TBC1D22A: variants seen among roughly 807,000 people sequenced by gnomAD.
TBC1D22A encodes the protein TBC1 domain family member 22A, also known as putative GTPase activator.
A neutral mutation model predicts 60.2 loss-of-function variants in TBC1D22A; 38 were observed. That is an observed-to-expected ratio of 0.63 (90% CI 0.49 to 0.83). The LOEUF (loss-of-function observed/expected upper bound fraction) is 0.83. TBC1D22A is among the 40% of genes least tolerant of loss of function. TBC1D22A has a pLI of 0.00. For synonymous variants in TBC1D22A, 302 were observed against 281.7 expected (o/e 1.07, Z -0.72); for missense variants, 628 against 701.0 (o/e 0.90, Z 1.18).
Position 46,852,312 on chromosome 22 carries a change from C to T in TBC1D22A, c.638-26341C>T, listed in dbSNP as rs1215968172. On this transcript the variant is annotated intron_variant, in intron 4 of 12. Transcript: ENST00000337137. The stretch of plus-strand genomic sequence containing the variant: ...CTTCCCGGCCCGCAGAGAACTTTAG[C>T]ACCTCCCCTCTTCCAGAACCCCAGG... Among the ~76,000 whole-genome samples, 36 of 152,356 alleles carry T rather than the reference C, an allele frequency of 2.4e-4. 2 individuals are homozygous for T. Among genetic ancestry groups the T allele is most frequent in the Admixed American group, 2.4e-3 (36 of 15,306 alleles).
intron 6 of TBC1D22A, among the ~76,000 whole-genome samples, chr22:46,892,446 C>G (rs2068454125): frequency 6.6e-6 from 1 of 152,326 alleles, no homozygotes; most frequent in African/African-American, 2.4e-5. Flanking sequence ...GAGGCTGGGG[C>G]AAAGCAGCCA....
intron 11 of TBC1D22A, among the ~76,000 whole-genome samples, chr22:47,067,955 C>T (rs561347573): frequency 1.4e-3 from 206 of 152,358 alleles, no homozygotes; most frequent in Non-Finnish European, 2.3e-3. Context: ...TCTAGTTCTG[C>T]ATGCTGGACA....
In TBC1D22A at chr22:47,056,524, C is replaced by T. The variant is rs1023041083; in HGVS notation, c.1329+19326C>T. ...CGTTTGTCTTGTGCCCCGTGCCATC[C>T]GTCACCAACTCCTCCCTCAGATCTC... On this transcript the variant is annotated intron_variant, in intron 11 of 12. Coordinates refer to ENST00000337137, the MANE Select transcript of TBC1D22A (RefSeq NM_014346.5). Among the ~76,000 whole-genome samples, 9 of 152,108 alleles carry T rather than the reference C, an allele frequency of 5.9e-5. No homozygotes were observed. In the East Asian group the frequency reaches 9.7e-4, roughly 16 times the overall value.
In TBC1D22A at chr22:46,912,071, C is replaced by A; in HGVS notation, c.901-3C>A. On this transcript the variant is annotated splice_region_variant and splice_polypyrimidine_tract_variant and intron_variant, in intron 7 of 12. Transcript: ENST00000337137. ...CTTTACCACCTGTTCCATTTTCTTTCAGATTTTTGAAAGGATCTTGTTCAT... is the reference window on the plus strand; with the variant it reads ...CTTTACCACCTGTTCCATTTTCTTTAAGATTTTTGAAAGGATCTTGTTCAT... 1 of 1,608,388 alleles carries A rather than the reference C, an allele frequency of 6.2e-7. No individual in the cohort carries two copies.
intron 4 of TBC1D22A, among the ~76,000 whole-genome samples, chr22:46,825,504 C>T (rs913088870): frequency 6.6e-6 from 1 of 152,232 alleles, no homozygotes; most frequent in Admixed American, 6.5e-5. Context: ...GACAGAGTCT[C>T]ACTCTATCAC....
Position 47,171,751 on chromosome 22 carries a change from G to T in TBC1D22A, c.1426-1747G>T, listed in dbSNP as rs188163616. ...GGCGGGGCTGTCAGGCGGTGGTCGT[G>T]GGGGGTCCCCCGAGGACCTGTGCTT... is the stretch of plus-strand genomic sequence containing the variant. On this transcript the variant is annotated intron_variant, in intron 12 of 12. Transcript: ENST00000337137. Among the ~76,000 whole-genome samples the T allele has an allele frequency of 7.2e-3, 1,060 of 147,646 alleles. 12 individuals are homozygous for T. The highest frequency in any genetic ancestry group is 0.026 in the African/African-American group (964 of 37,188).
rs572915515 is a variant in TBC1D22A, at chr22:47,027,771, T to C, written c.1202-9300T>C. ...CCTTACCAAAATTAGAATCTGTTTT[T>C]CAGATGATACTATTAATATAATAAA... On this transcript the variant is annotated intron_variant, in intron 10 of 12. Transcript: ENST00000337137. 2.0e-5 allele frequency among the ~76,000 whole-genome samples: 3 copies of C among 152,366 alleles called. No individual in the cohort carries two copies. In the South Asian group the frequency reaches 6.2e-4, roughly 32 times the overall value.
intron 8 of TBC1D22A, among the ~76,000 whole-genome samples, chr22:46,958,414 G>T (rs2073324257): frequency 6.6e-6 from 1 of 152,162 alleles, no homozygotes; most frequent in Non-Finnish European, 1.5e-5. Flanking sequence ...TCAACCATCA[G>T]TCGTTACATT....
intron 9 of TBC1D22A, among the ~76,000 whole-genome samples, chr22:46,992,496 C>A (rs1009412096): frequency 6.6e-6 from 1 of 152,230 alleles, no homozygotes; most frequent in Non-Finnish European, 1.5e-5. Flanking sequence ...GTCAGGGAAT[C>A]GTGGGAACTC....
chr22:46,907,403 G>T (rs182685032), intron 7 of TBC1D22A, among the ~76,000 whole-genome samples: 1 of 152,292 alleles, frequency 6.6e-6, no homozygotes, highest in Non-Finnish European at 1.5e-5. Flanking sequence ...CTGCAGCATT[G>T]CCTGGTAGAG....
chr22:47,168,140 A>G (rs1242320811), intron 12 of TBC1D22A, among the ~76,000 whole-genome samples: 1 of 152,218 alleles, frequency 6.6e-6, no homozygotes, highest in East Asian at 1.9e-4. Context: ...CTGCCCAGCA[A>G]AGTGCTGTGG....
intron 1 of TBC1D22A, among the ~76,000 whole-genome samples, chr22:46,791,921 C>T (rs895232253): frequency 6.6e-6 from 1 of 152,106 alleles, no homozygotes; most frequent in Non-Finnish European, 1.5e-5. Context: ...CCACCATGCC[C>T]AGCTAATTTT....
chr22:47,067,483 G>A (rs1344613729), intron 11 of TBC1D22A, among the ~76,000 whole-genome samples: 1 of 152,188 alleles, frequency 6.6e-6, no homozygotes. Flanking sequence ...GACAGAGGTG[G>A]GCCTTCCACC....
At chr22:46,862,594 A>C (rs2087959839) in intron 4 of TBC1D22A, among the ~76,000 whole-genome samples, 1 of 152,112 alleles carries the variant, frequency 6.6e-6, no homozygotes, top group Admixed American at 6.5e-5. Context: ...AGCCAGCGAG[A>C]GCGGGGCTGC....
chr22:47,043,701 G>A (rs9615456), intron 11 of TBC1D22A, among the ~76,000 whole-genome samples: 12,268 of 152,098 alleles, frequency 0.081, 1,020 homozygotes, highest in African/African-American at 0.21. Flanking sequence ...GTGCAAAGAG[G>A]GTCCTCCCAT....
At chr22:46,858,468 C>A (rs927806065) in intron 4 of TBC1D22A, among the ~76,000 whole-genome samples, 12 of 150,490 alleles carry the variant, frequency 8.0e-5, no homozygotes, top group Non-Finnish European at 1.5e-4. Context: ...AACACCCCCC[C>A]CAGCTCTGAT....
chr22:46,982,079 G>T (rs1413195422), intron 9 of TBC1D22A, among the ~76,000 whole-genome samples: 7 of 152,206 alleles, frequency 4.6e-5, no homozygotes, highest in African/African-American at 7.2e-5. Context: ...GGGAGCAGGA[G>T]TGTGGGCTGG....
chr22:46,981,109 G>C (rs1435931738), intron 9 of TBC1D22A, among the ~76,000 whole-genome samples: 1 of 152,210 alleles, frequency 6.6e-6, no homozygotes, highest in Non-Finnish European at 1.5e-5. Context: ...GCTATTAAAT[G>C]AGATAGATTT....
intron 4 of TBC1D22A, among the ~76,000 whole-genome samples, chr22:46,847,918 G>GGTGTGTGGGT (rs1555910897): frequency 7.5e-6 from 1 of 134,138 alleles, no homozygotes; most frequent in African/African-American, 3.2e-5. Context: ...TACCCTAGTG[G>GGTGTGTGGGT]GTGTGTGTGT....
Sources: gnomAD v4.1 joint callset for allele counts (sites outside exome capture counted in the v4.1 genomes callset) on GRCh38, gnomAD v4.1.1 for gene constraint, MANE v1.5 for transcripts, NCBI Gene and HGNC (gene_info 2026-07-23, HGNC 2026-07-21) for gene names.